The following ATP2A1 variants were observed in gnomAD, a reference collection of about 807,000 sequenced individuals.
ATP2A1 encodes sarcoplasmic/endoplasmic reticulum calcium ATPase 1.
A neutral mutation model predicts 109.5 loss-of-function variants in ATP2A1; 83 were observed. The observed-to-expected ratio is 0.76, with a 90% confidence interval of 0.63 to 0.91. The LOEUF is 0.91. Among genes scored for constraint, ATP2A1 ranks in the 40% least tolerant of loss-of-function variants. The pLI is 0.00. For missense variants in ATP2A1, 1,101 were observed against 1,341.0 expected, an observed-to-expected ratio of 0.82 and a Z score of 2.80; for synonymous variants, 505 against 537.6, an observed-to-expected ratio of 0.94 and a Z score of 0.84.
chr16:28,900,256 G>C (rs981164380), intron 14 of ATP2A1, among the ~76,000 whole-genome samples: 1 of 150,470 alleles, frequency 6.6e-6, no homozygotes, highest in Non-Finnish European at 1.5e-5. Context: ...AGCTATGATC[G>C]CACCGTTGTA....
At chr16:28,895,918 T>A (rs984165068) in intron 12 of ATP2A1, among the ~76,000 whole-genome samples, 20 of 152,196 alleles carry the variant, frequency 1.3e-4, no homozygotes, top group African/African-American at 4.6e-4. Context: ...GACTAATTTT[T>A]AAAATTTATA....
intron 1 of ATP2A1, 138 bp downstream of exon 1, chr16:28,878,927 A>G (rs1293431555): frequency 3.0e-6 from 4 of 1,329,706 alleles, no homozygotes; most frequent in Middle Eastern, 1.8e-4. Context: ...CGCAGGGGGA[A>G]GAAGATACTG....
In ATP2A1 at chr16:28,900,575, C is replaced by A; in HGVS notation, c.1765-6C>A. The A allele has an allele frequency of 6.4e-7, 1 of 1,552,002 alleles. No individual in the cohort carries two copies. The highest frequency in any genetic ancestry group is 8.7e-7 in the Non-Finnish European group (1 of 1,145,714). On this transcript the variant is annotated splice_polypyrimidine_tract_variant and splice_region_variant and intron_variant, in intron 14 of 22. Coordinates refer to ENST00000395503, the MANE Select transcript of ATP2A1 (RefSeq NM_004320.6). Reference sequence around the variant, plus strand: ...TGACCTGTGGCTCTCTGCTGTATCTCCCCAGACGGACCTGACATTCGTGGG... The same window carrying A: ...TGACCTGTGGCTCTCTGCTGTATCTACCCAGACGGACCTGACATTCGTGGG...
intron 2 of ATP2A1, 158 bp downstream of exon 2, chr16:28,879,274 G>A: frequency 9.6e-7 from 1 of 1,038,126 alleles, no homozygotes; most frequent in Non-Finnish European, 1.5e-6. Context: ...CGGGGCAGAA[G>A]TCTCCCAGGC....
At chr16:28,890,720 C>CT (rs779964103) in intron 9 of ATP2A1, among the ~76,000 whole-genome samples, 56 of 151,882 alleles carry the variant, frequency 3.7e-4, no homozygotes, top group Non-Finnish European at 6.2e-4. Flanking sequence ...GAGTCTCACT[C>CT]TGTTACCCAG....
intron 14 of ATP2A1, among the ~76,000 whole-genome samples, chr16:28,899,318 C>G (rs74014812): frequency 7.1e-4 from 108 of 152,324 alleles, no homozygotes; most frequent in African/African-American, 2.5e-3. Flanking sequence ...AAAGCAGTAC[C>G]TCACTTCCAG....
rs1159033490 is a variant in ATP2A1 at position 28,879,831 on chromosome 16, G to A, written c.219+248G>A. On this transcript the variant is annotated intron_variant, in intron 3 of 22. Coordinates refer to ENST00000395503, the MANE Select transcript of ATP2A1 (RefSeq NM_004320.6). Reference sequence around the variant, plus strand: ...AAAACACCGAAGCTAAGCCACCCTCGCGGCTTCAAGAGCTTGGAGAGCTCG... The same window carrying A: ...AAAACACCGAAGCTAAGCCACCCTCACGGCTTCAAGAGCTTGGAGAGCTCG... 6.4e-6 allele frequency: 4 copies of A among 626,456 alleles called. No individual in the cohort carries two copies. In the East Asian group the frequency reaches 1.3e-4, roughly 20 times the overall value. 38.8% of individuals were successfully genotyped at this position (626,456 alleles called of 1,614,324 possible). A position where few individuals can be genotyped will look rare whatever the true frequency, so the allele number is the denominator to read the frequency against.
Position 28,878,546 on chromosome 16 carries a change from G to A in ATP2A1, c.-126G>A, listed in dbSNP as rs1293463731. The A allele has an allele frequency of 5.9e-6, 5 of 845,664 alleles. No homozygotes were observed. In the East Asian group the frequency reaches 8.0e-5, roughly 13 times the overall value. 52.4% of individuals were successfully genotyped at this position (845,664 alleles called of 1,614,324 possible). On this transcript the variant is annotated 5_prime_UTR_variant, in exon 1 of 23. Coordinates refer to ENST00000395503, the MANE Select transcript of ATP2A1 (RefSeq NM_004320.6). The stretch of plus-strand genomic sequence containing the variant: ...TTTGTGGAGGGAAGAAAAACCTGGA[G>A]GGGGCAGGAGAGTAAAAAGAAGAAA...
chr16:28,904,324 C>T lies in ATP2A1; in HGVS notation c.*182C>T. 1 of 1,574,414 alleles carries T rather than the reference C, an allele frequency of 6.4e-7. No homozygotes were observed. The highest frequency in any genetic ancestry group is 8.6e-7 in the Non-Finnish European group (1 of 1,164,308). ...CATGTGTCTGTTTATAAACATGTCC[C>T]CTTCCCTTTCCTTCCCCCTCGGCCA... is the stretch of plus-strand genomic sequence containing the variant. On this transcript the variant is annotated 3_prime_UTR_variant, in exon 23 of 23. Transcript: ENST00000395503.
rs534294530 is a variant in ATP2A1 at position 28,900,670 on chromosome 16, G to A, written c.1854G>A (p.Gly618=). The A allele has an allele frequency of 9.3e-6, 15 of 1,611,522 alleles. No homozygotes were observed. The highest frequency in any genetic ancestry group is 1.3e-5 in the African/African-American group (1 of 75,036). ...CCATCCAGCTGTGCCGTGACGCCGG[G>A]ATCCGGGTGATCATGATCACTGGGG... The part of the protein sequence containing the change: ...TGSIQLCRDA[G]IRVIMITGDN... The change falls in exon 15 of 23, where the codon GGG becomes GGA. Residue 618 remains glycine (G), a synonymous_variant. Transcript: ENST00000395503.
intron 4 of ATP2A1, among the ~76,000 whole-genome samples, chr16:28,881,975 T>C (rs1183708491): frequency 2.6e-5 from 4 of 151,838 alleles, no homozygotes; most frequent in Non-Finnish European, 5.9e-5. Flanking sequence ...TCTCGTTCTC[T>C]TGCCCAGGCT....
Position 28,902,334 on chromosome 16 carries a change from CAAG to C in ATP2A1, c.2473_2475del (p.Lys825del), listed in dbSNP as rs1964103221. 6.2e-7 allele frequency: 1 copy of C among 1,613,970 alleles called. No homozygotes were observed. The highest frequency in any genetic ancestry group is 1.1e-5 in the South Asian group (1 of 91,080). On this transcript the variant is annotated inframe_deletion, in exon 17 of 23. Transcript: ENST00000395503. The surrounding 1 kb of genome is among the most constrained non-coding windows in gnomAD (Gnocchi z 4.8). ...TCATGGACCGCCCCCCCCGGAGCCC[CAAG>C]GAGCCCCTCATCAGTGGCTGGCTCT...
intron 14 of ATP2A1, 100 bp from the exon 15 acceptor site, chr16:28,900,481 C>CA: frequency 1.0e-6 from 1 of 996,616 alleles, no homozygotes; most frequent in Non-Finnish European, 1.4e-6. Context: ...CTCCCCACCA[C>CA]TTCCTGACCT....
At chr16:28,890,607 C>G (rs556078313) in intron 9 of ATP2A1, among the ~76,000 whole-genome samples, 29 of 152,142 alleles carry the variant, frequency 1.9e-4, no homozygotes, top group African/African-American at 6.7e-4. Flanking sequence ...CTGGGCAACA[C>G]AGTGAGACCC....
rs754711450 is a variant in ATP2A1 at position 28,894,604 on chromosome 16, C to A, written c.1284C>A (p.Asn428Lys). Residue 428 changes from asparagine (N) to lysine (K), a missense_variant, in exon 11 of 23, where the codon AAC becomes AAA. By Grantham distance (94) the Asn-to-Lys change is moderately conservative (BLOSUM62 0). Transcript: ENST00000395503. ...ALCNDSSLDF[N>K]EAKGVYEKVG... ...GCAATGACTCCTCCTTGGACTTCAACGAGGTAACCTCTCCTTCCCCTTCCA... is the reference window on the plus strand; with the variant it reads ...GCAATGACTCCTCCTTGGACTTCAAAGAGGTAACCTCTCCTTCCCCTTCCA... The A allele has an allele frequency of 6.2e-7, 1 of 1,613,918 alleles. No individual in the cohort carries two copies. The highest frequency in any genetic ancestry group is 1.3e-5 in the African/African-American group (1 of 75,042).
intron 14 of ATP2A1, among the ~76,000 whole-genome samples, chr16:28,899,657 C>T (rs1458169941): frequency 9.1e-6 from 1 of 109,678 alleles, no homozygotes; most frequent in Non-Finnish European, 1.9e-5. Context: ...GCCCCCCCCC[C>T]CCCGAAAAAG....
Position 28,888,786 on chromosome 16 carries a change from GGTCTTCCTGCA to G in ATP2A1, c.932_942del (p.Leu311HisfsTer56). 1 of 1,492,548 alleles carries G rather than the reference GGTCTTCCTGCA, an allele frequency of 6.7e-7. No individual in the cohort carries two copies. The highest frequency in any genetic ancestry group is 1.7e-5 in the Admixed American group (1 of 57,236). 92.5% of individuals were successfully genotyped at this position (1,492,548 alleles called of 1,614,324 possible). A position where few individuals can be genotyped will look rare whatever the true frequency, so the allele number is the denominator to read the frequency against. On this transcript the variant is annotated frameshift_variant and splice_region_variant, in exon 9 of 23. Coordinates refer to ENST00000395503, the MANE Select transcript of ATP2A1 (RefSeq NM_004320.6). LOFTEE classifies it high-confidence loss of function. ...CTCACACCCTCCCTCCCTCCCCACA[GGTCTTCCTGCA>G]GTCATCACCACCTGCCTGGCCCTGG...
chr16:28,897,590 GA>G (rs1202841033), intron 12 of ATP2A1, among the ~76,000 whole-genome samples: 1 of 152,172 alleles, frequency 6.6e-6, no homozygotes. Context: ...GCCCAGGCTG[GA>G]GTACAATGGT....
intron 15 of ATP2A1, among the ~76,000 whole-genome samples, chr16:28,901,566 G>A (rs574705589): frequency 1.6e-4 from 25 of 152,144 alleles, no homozygotes; most frequent in African/African-American, 5.3e-4. Flanking sequence ...CTGGGAGGCG[G>A]AGGTTGCAGT....
Sources: gnomAD v4.1 joint callset for allele counts (sites outside exome capture counted in the v4.1 genomes callset) on GRCh38, gnomAD v4.1.1 for gene constraint, Gnocchi (gnomAD v3.1) non-coding constraint, MANE v1.5 for transcripts, NCBI Gene and HGNC (gene_info 2026-07-23, HGNC 2026-07-21) for gene names.